Variants in ZNF415 observed in about 807,000 individuals in gnomAD.
ZNF415 encodes zinc finger protein 415.
Under a neutral mutation model 7.3 loss-of-function variants are expected in ZNF415, and 5 were observed. The observed-to-expected ratio is 0.69, with a 90% CI of 0.36 to 1.44. The LOEUF (loss-of-function observed/expected upper bound fraction) is 1.44. Ranked by LOEUF, ZNF415 falls within the 40% of genes most tolerant of loss-of-function variation. The pLI is 0.04. For missense variants in ZNF415, 628 were observed against 664.8 expected, an observed-to-expected ratio of 0.94 and a Z score of 0.61; for synonymous variants, 207 against 226.3, an observed-to-expected ratio of 0.91 and a Z score of 0.77.
In ZNF415 at chr19:53,131,584, C is replaced by T. The variant is rs138796743; in HGVS notation, c.-68+1272G>A. Among the ~76,000 whole-genome samples, 236 of 152,046 alleles carry T rather than the reference C, an allele frequency of 1.6e-3. 1 individual carries two copies. In the Middle Eastern group the frequency reaches 0.02, roughly 13 times the overall value. ...GTTCCGTACATCGCTCTCATTCTCACCTTCTTTCTCTAGCTCTTTCCTTCC... is the reference window on the plus strand; with the variant it reads ...GTTCCGTACATCGCTCTCATTCTCATCTTCTTTCTCTAGCTCTTTCCTTCC... On this transcript the variant is annotated intron_variant, in intron 1 of 3. Coordinates refer to ENST00000243643, the MANE Select transcript of ZNF415 (RefSeq NM_018355.4).
At chr19:53,124,560 G>A (rs926699508) in intron 1 of ZNF415, among the ~76,000 whole-genome samples, 5 of 152,180 alleles carry the variant, frequency 3.3e-5, no homozygotes, top group Admixed American at 6.5e-5. Context: ...ATTTCAACAT[G>A]AGAGTTGGTG....
At chr19:53,110,990 G>A (rs1042386621) in intron 3 of ZNF415, among the ~76,000 whole-genome samples, 1 of 152,152 alleles carries the variant, frequency 6.6e-6, no homozygotes. Context: ...AGAACACAAT[G>A]TTTAAAACGA....
At chr19:53,122,433 C>T in intron 2 of ZNF415, 1 of 1,538,472 alleles carries the variant, frequency 6.5e-7, no homozygotes, top group Non-Finnish European at 8.7e-7. Flanking sequence ...GGGTGTGAGC[C>T]CTTCCCAGGA....
chr19:53,117,940 C>G (rs2087327764), intron 2 of ZNF415, among the ~76,000 whole-genome samples: 1 of 152,146 alleles, frequency 6.6e-6, no homozygotes, highest in Non-Finnish European at 1.5e-5. Flanking sequence ...AATAAAGTGA[C>G]AGTAATAAGC....
At chr19:53,118,663 A>C (rs562999934) in intron 2 of ZNF415, among the ~76,000 whole-genome samples, 4 of 152,266 alleles carry the variant, frequency 2.6e-5, no homozygotes, top group African/African-American at 9.6e-5. Context: ...TGGCAAATAC[A>C]TGGAAATTAG....
In ZNF415 at chr19:53,120,336, C is replaced by T. The variant is rs117312965; in HGVS notation, c.15+2326G>A. On this transcript the variant is annotated intron_variant, in intron 2 of 3. Transcript: ENST00000243643. Reference sequence around the variant, plus strand: ...AGCAAGCTATCCTTGTTCCTTAATACGAAAACGTGTAAATATTCACAACTT... The same window carrying T: ...AGCAAGCTATCCTTGTTCCTTAATATGAAAACGTGTAAATATTCACAACTT... Among the ~76,000 whole-genome samples, 25 of 152,190 alleles carry T rather than the reference C, an allele frequency of 1.6e-4. No individual in the cohort carries two copies. The East Asian group carries it at 4.1e-3, about 25-fold the overall frequency.
At chr19:53,112,341 C>T (rs972104776) in intron 3 of ZNF415, among the ~76,000 whole-genome samples, 24 of 152,150 alleles carry the variant, frequency 1.6e-4, no homozygotes, top group Admixed American at 6.5e-5. Context: ...AGCAAGAATG[C>T]ACCCAGGCGA....
intron 1 of ZNF415, among the ~76,000 whole-genome samples, chr19:53,127,120 T>G (rs564995843): frequency 2.8e-4 from 40 of 141,386 alleles, no homozygotes; most frequent in African/African-American, 9.3e-4. Flanking sequence ...TGGAGAAATC[T>G]TTCCCTTACT....
chr19:53,117,382 G>A (rs560133418), intron 2 of ZNF415, among the ~76,000 whole-genome samples: 5 of 151,416 alleles, frequency 3.3e-5, no homozygotes, highest in African/African-American at 4.9e-5. Flanking sequence ...TGGAGGTTGC[G>A]GTGAGCCGAG....
At chr19:53,116,173 C>T (rs2086984653) in intron 3 of ZNF415, 140 bp downstream of exon 3, 2 of 1,007,122 alleles carry the variant, frequency 2.0e-6, no homozygotes, top group Admixed American at 2.4e-5. Context: ...CTCCAGAGTT[C>T]ACATTATGGA....
intron 2 of ZNF415, chr19:53,122,271 CA>C: frequency 1.0e-6 from 1 of 990,874 alleles, no homozygotes; most frequent in East Asian, 2.7e-5. Context: ...AAACAAAAAA[CA>C]AAAACAACAA....
At chr19:53,128,539 T>C (rs59202449) in intron 1 of ZNF415, among the ~76,000 whole-genome samples, 28,856 of 80,792 alleles carry the variant, frequency 0.36, 2,878 homozygotes, top group African/African-American at 0.42. Context: ...CCCCTGACTG[T>C]GAGCGCATCA....
chr19:53,110,999 G>A (rs541938164), intron 3 of ZNF415, among the ~76,000 whole-genome samples: 3 of 152,106 alleles, frequency 2.0e-5, no homozygotes, highest in Admixed American at 1.3e-4. Flanking sequence ...TGTTTAAAAC[G>A]AATTGAAAAT....
At chr19:53,128,646 C>T (rs1480522263) in intron 1 of ZNF415, among the ~76,000 whole-genome samples, 2 of 112,790 alleles carry the variant, frequency 1.8e-5, no homozygotes, top group East Asian at 4.6e-4. Context: ...GCGGTGGGGA[C>T]GCCTCGGCAC....
rs2085648517 is a variant in ZNF415 at position 53,108,033 on chromosome 19, T to C, written c.*344A>G. 4.1e-6 allele frequency: 1 copy of C among 243,010 alleles called. No homozygotes were observed. The highest frequency in any genetic ancestry group is 8.3e-5 in the South Asian group (1 of 12,026). The allele number at this position is 243,010 out of a possible 1,614,324, so 15.1% of individuals were successfully genotyped here. Reference sequence around the variant, plus strand: ...ACATAAATCCTTGGATGTGTTACAGTTTTGATCCTTGGTTAATAGCTTCAA... The same window carrying C: ...ACATAAATCCTTGGATGTGTTACAGCTTTGATCCTTGGTTAATAGCTTCAA... On this transcript the variant is annotated 3_prime_UTR_variant, in exon 4 of 4. Transcript: ENST00000243643.
Position 53,109,226 on chromosome 19 carries a change from T to C in ZNF415, c.819A>G (p.Lys273=), listed in dbSNP as rs1212439912. Residue 273 remains lysine, a synonymous_variant, in exon 4 of 4, where the codon AAA becomes AAG. Coordinates refer to ENST00000243643, the MANE Select transcript of ZNF415 (RefSeq NM_018355.4). ...WRVHTGEKPY[K]CNECDRSFSR... ...TGAAACTTCTGTCACATTCATTACA[T>C]TTGTATGGTTTCTCTCCAGTATGAA... 2 of 1,613,926 alleles carry C rather than the reference T, an allele frequency of 1.2e-6. No homozygotes were observed. The highest frequency in any genetic ancestry group is 4.5e-5 in the East Asian group (2 of 44,846).
chr19:53,131,528 CT>C (rs2090071487), intron 1 of ZNF415, among the ~76,000 whole-genome samples: 1 of 152,148 alleles, frequency 6.6e-6, no homozygotes. Context: ...GGGTCCCCCT[CT>C]TTCCTCATTA....
chr19:53,109,001 T>A lies in ZNF415; in HGVS notation c.1044A>T (p.Val348=), dbSNP rs2085806607. 1 of 1,614,018 alleles carries A rather than the reference T, an allele frequency of 6.2e-7. No homozygotes were observed. Among genetic ancestry groups the A allele is most frequent in the Non-Finnish European group, 8.5e-7 (1 of 1,180,000 alleles). The change falls in exon 4 of 4, where the codon GTA becomes GTT. Residue 348 remains valine (V), a synonymous_variant. Transcript: ENST00000243643. ...SVRSTLTNHQ[V]IHSGKKPYKC... Reference sequence around the variant, plus strand: ...TGTAAGGTTTCTTGCCACTATGAATTACCTGATGGTTGGTAAGTGTTGACC... The same window carrying A: ...TGTAAGGTTTCTTGCCACTATGAATAACCTGATGGTTGGTAAGTGTTGACC...
intron 1 of ZNF415, among the ~76,000 whole-genome samples, chr19:53,131,983 C>G (rs1320092937): frequency 1.3e-5 from 2 of 152,038 alleles, no homozygotes; most frequent in Non-Finnish European, 2.9e-5. Flanking sequence ...CCCTTCTGCT[C>G]TCCCCCACTC....
Sources: gnomAD v4.1 joint callset for allele counts (sites outside exome capture counted in the v4.1 genomes callset) on GRCh38, gnomAD v4.1.1 for gene constraint, MANE v1.5 for transcripts, NCBI Gene and HGNC (gene_info 2026-07-23, HGNC 2026-07-21) for gene names.